The following CTNNA3 variants were observed in gnomAD, a reference collection of about 807,000 sequenced individuals.
CTNNA3 encodes the protein catenin alpha-3.
CTNNA3 carries 76 observed loss-of-function variants against 95.7 expected under a neutral mutation model. That is an observed-to-expected ratio of 0.79 (90% CI 0.66 to 0.96). The LOEUF (loss-of-function observed/expected upper bound fraction) is 0.96. Among genes scored for constraint, CTNNA3 ranks in the 40% least tolerant of loss-of-function variants. The probability of loss-of-function intolerance (pLI) is 0.00; values close to 1 mark genes in which losing one functional copy is unlikely to be tolerated. For synonymous variants in CTNNA3, 431 were observed against 374.4 expected, an observed-to-expected ratio of 1.15 and a Z score of -1.74; for missense variants, 1,191 against 1,089.8, an observed-to-expected ratio of 1.09 and a Z score of -1.31.
intron 5 of CTNNA3, among the ~76,000 whole-genome samples, chr10:67,378,120 T>C (rs1210377239): frequency 6.6e-6 from 1 of 152,206 alleles, no homozygotes; most frequent in African/African-American, 2.4e-5. Flanking sequence ...CCTAGTGTCC[T>C]ATGTTCTACT....
chr10:66,588,567 A>C (rs1414670097), intron 10 of CTNNA3, among the ~76,000 whole-genome samples: 1 of 152,128 alleles, frequency 6.6e-6, no homozygotes, highest in African/African-American at 2.4e-5. Flanking sequence ...ACATTATTTG[A>C]GAAGTCTGCT....
chr10:66,452,291 A>T (rs558709958), intron 11 of CTNNA3, among the ~76,000 whole-genome samples: 3 of 152,300 alleles, frequency 2.0e-5, no homozygotes, highest in South Asian at 2.1e-4. Flanking sequence ...TTGTCAAGGC[A>T]GCCTGAAACC....
upstream of CTNNA3, among the ~76,000 whole-genome samples, chr10:67,699,919 C>T (rs756972194): frequency 2.3e-4 from 35 of 152,362 alleles, no homozygotes; most frequent in Middle Eastern, 3.4e-3. Context: ...CACTCCCACC[C>T]TAATACTGCG....
intron 5 of CTNNA3, among the ~76,000 whole-genome samples, chr10:67,350,553 C>A (rs1842591696): frequency 7.0e-6 from 1 of 143,468 alleles, no homozygotes; most frequent in African/African-American, 2.6e-5. Flanking sequence ...TGAATGATGA[C>A]CAAATGGTTA....
At chr10:66,031,345 C>T (rs750903882) in intron 15 of CTNNA3, among the ~76,000 whole-genome samples, 6 of 152,080 alleles carry the variant, frequency 3.9e-5, no homozygotes, top group Non-Finnish European at 8.8e-5. Context: ...ACATATGGTT[C>T]ATATATACAT....
At chr10:66,306,942 C>G (rs561551839) in intron 12 of CTNNA3, among the ~76,000 whole-genome samples, 1 of 152,160 alleles carries the variant, frequency 6.6e-6, no homozygotes, top group Non-Finnish European at 1.5e-5. Flanking sequence ...TCTAATTTAT[C>G]TCTTTCTGGA....
intron 7 of CTNNA3, among the ~76,000 whole-genome samples, chr10:67,126,696 G>A (rs1859736687): frequency 6.6e-6 from 1 of 152,208 alleles, no homozygotes; most frequent in Non-Finnish European, 1.5e-5. Flanking sequence ...TTCAAAGTGT[G>A]GTTAAGAGAT....
chr10:67,539,190 T>C (rs1840581058), intron 4 of CTNNA3, among the ~76,000 whole-genome samples: 1 of 152,076 alleles, frequency 6.6e-6, no homozygotes, highest in Non-Finnish European at 1.5e-5. Flanking sequence ...TCATATATTA[T>C]CTATATAATT....
At chr10:67,497,570 T>A (rs1233294990) in intron 5 of CTNNA3, among the ~76,000 whole-genome samples, 1 of 152,194 alleles carries the variant, frequency 6.6e-6, no homozygotes, top group African/African-American at 2.4e-5. Flanking sequence ...GCCTTCCTAT[T>A]TCTCCACGTC....
intron 7 of CTNNA3, among the ~76,000 whole-genome samples, chr10:67,108,849 T>G (rs1465149282): frequency 6.6e-6 from 1 of 152,172 alleles, no homozygotes; most frequent in Admixed American, 6.5e-5. Flanking sequence ...AGTATATATG[T>G]CAAATAAAAT....
At chr10:66,445,905 A>G (rs946771431) in intron 11 of CTNNA3, among the ~76,000 whole-genome samples, 8 of 152,192 alleles carry the variant, frequency 5.3e-5, no homozygotes, top group Non-Finnish European at 1.0e-4. Context: ...TGAAAAGATC[A>G]ACAAAATTGA....
chr10:66,493,599 A>ATTTTTTTT (rs528761424), intron 11 of CTNNA3, among the ~76,000 whole-genome samples: 2,205 of 111,904 alleles, frequency 0.02, 239 homozygotes, highest in African/African-American at 0.075. Flanking sequence ...TAACTACAGT[A>ATTTTTTTT]TTTTTTTTTT....
chr10:66,316,732 TAAC>T (rs1476733713), intron 12 of CTNNA3, among the ~76,000 whole-genome samples: 4 of 152,128 alleles, frequency 2.6e-5, no homozygotes, highest in African/African-American at 9.7e-5. Context: ...TCATTGTTTA[TAAC>T]AACAGGAGTT....
intron 3 of CTNNA3, among the ~76,000 whole-genome samples, chr10:67,599,807 A>G (rs1221745393): frequency 6.6e-6 from 1 of 152,180 alleles, no homozygotes; most frequent in Non-Finnish European, 1.5e-5. Context: ...GTTCAGCACA[A>G]ATTGATCCAT....
chr10:66,579,185 C>A (rs376458020), intron 10 of CTNNA3, among the ~76,000 whole-genome samples: 2 of 151,650 alleles, frequency 1.3e-5, no homozygotes, highest in Admixed American at 1.3e-4. Context: ...TGTAAAGTCA[C>A]GTTTTTCATT....
intron 14 of CTNNA3, among the ~76,000 whole-genome samples, chr10:66,070,857 A>G (rs2080421012): frequency 6.6e-6 from 1 of 152,160 alleles, no homozygotes; most frequent in African/African-American, 2.4e-5. Context: ...CATCTCCTTA[A>G]TAACATCTCA....
chr10:66,717,944 G>A (rs1454906827), intron 9 of CTNNA3, among the ~76,000 whole-genome samples: 1 of 152,136 alleles, frequency 6.6e-6, no homozygotes, highest in Non-Finnish European at 1.5e-5. Context: ...TAGCCAAAGT[G>A]TGAATCCTTT....
intron 9 of CTNNA3, among the ~76,000 whole-genome samples, chr10:66,689,881 T>C (rs1847452628): frequency 6.6e-6 from 1 of 152,174 alleles, no homozygotes; most frequent in Non-Finnish European, 1.5e-5. Flanking sequence ...TTCCTAATAC[T>C]TGTGATCTAG....
chr10:67,543,089 A>G (rs185330009), intron 3 of CTNNA3, among the ~76,000 whole-genome samples: 1 of 152,222 alleles, frequency 6.6e-6, no homozygotes, highest in East Asian at 1.9e-4. Flanking sequence ...TATACATAAA[A>G]ATAATTTACT....
Sources: allele counts gnomAD v4.1 joint callset (sites outside exome capture counted in the v4.1 genomes callset), GRCh38; gene constraint gnomAD v4.1.1; transcripts MANE v1.5; gene names NCBI Gene and HGNC (gene_info 2026-07-23, HGNC 2026-07-21).